The following INPP4A variants were observed in gnomAD, a reference collection of about 807,000 sequenced individuals.
The protein encoded by INPP4A is inositol polyphosphate-4-phosphatase type I A, also known as inositol polyphosphate-4-phosphatase, type I, 107kD.
INPP4A carries 33 observed loss-of-function variants against 119.8 expected under a neutral mutation model. The ratio of observed to expected loss-of-function variants is 0.28; its 90% confidence interval spans 0.21 to 0.37. INPP4A has a LOEUF of 0.37. Among genes scored for constraint, INPP4A ranks in the 10% least tolerant of loss-of-function variants. The probability of loss-of-function intolerance (pLI) is 1.00; values close to 1 mark genes in which losing one functional copy is unlikely to be tolerated. For missense variants in INPP4A, 956 were observed against 1,289.9 expected, an observed-to-expected ratio of 0.74 and a Z score of 3.97; for synonymous variants, 496 against 500.7, an observed-to-expected ratio of 0.99 and a Z score of 0.12.
chr2:98,514,944 A>G (rs1247404533), intron 1 of INPP4A, among the ~76,000 whole-genome samples: 3 of 151,470 alleles, frequency 2.0e-5, no homozygotes, highest in Non-Finnish European at 4.4e-5. Context: ...AAAGTACAAA[A>G]CCCCAAAACT....
intron 10 of INPP4A, among the ~76,000 whole-genome samples, chr2:98,541,954 T>G (rs1226284911): frequency 3.3e-5 from 5 of 152,226 alleles, no homozygotes; most frequent in African/African-American, 1.2e-4. Flanking sequence ...CAACCACATG[T>G]CAGGCACTGT....
chr2:98,520,802 C>A, intron 4 of INPP4A, 71 bp downstream of exon 4: 1 of 823,546 alleles, frequency 1.2e-6, no homozygotes, highest in Non-Finnish European at 2.0e-6. Flanking sequence ...AACACTACCA[C>A]CAGTGCATGG....
chr2:98,522,462 G>A (rs916351859), intron 4 of INPP4A, among the ~76,000 whole-genome samples: 14 of 152,062 alleles, frequency 9.2e-5, no homozygotes, highest in Non-Finnish European at 1.8e-4. Context: ...ATGAAGTTTG[G>A]AAGTTAGTCA....
intron 17 of INPP4A, among the ~76,000 whole-genome samples, chr2:98,561,597 G>A (rs943381372): frequency 3.3e-5 from 5 of 151,978 alleles, no homozygotes; most frequent in Non-Finnish European, 7.3e-5. Flanking sequence ...TCCTAATGTA[G>A]CGAAGCAATC....
Position 98,562,794 on chromosome 2 carries a change from G to A in INPP4A, c.1856-671G>A, listed in dbSNP as rs553170589. ...TTTTAAAAAGTTGTTTTGGTATAGG[G>A]TCAAAGTTTCCCTATATTCCTAAAA... On this transcript the variant is annotated intron_variant, in intron 17 of 24. Coordinates refer to ENST00000409851, the MANE Select transcript of INPP4A (RefSeq NM_001134225.2). Among the ~76,000 whole-genome samples the A allele has an allele frequency of 2.1e-5, 3 of 145,320 alleles. No homozygotes were observed. In the East Asian group the frequency reaches 6.3e-4, roughly 31 times the overall value.
chr2:98,454,820 C>T (rs1695837206), intron 1 of INPP4A, among the ~76,000 whole-genome samples: 1 of 152,090 alleles, frequency 6.6e-6, no homozygotes, highest in Non-Finnish European at 1.5e-5. Context: ...CAGCTGGTCA[C>T]TGACCCAACT....
intron 1 of INPP4A, among the ~76,000 whole-genome samples, chr2:98,453,475 G>T (rs544492270): frequency 8.5e-5 from 13 of 152,280 alleles, no homozygotes; most frequent in African/African-American, 2.9e-4. Context: ...TGTATTTGGG[G>T]TGTTGTTATG....
Position 98,512,891 on chromosome 2 carries a change from C to T in INPP4A, c.-165-6073C>T, listed in dbSNP as rs6739018. Among the ~76,000 whole-genome samples, 795 of 152,278 alleles carry T rather than the reference C, an allele frequency of 5.2e-3. 12 individuals carry two copies. Among genetic ancestry groups the T allele is most frequent in the African/African-American group, 0.018 (739 of 41,550 alleles). On this transcript the variant is annotated intron_variant, in intron 1 of 24. Transcript: ENST00000409851. ...AGGTCCCCTCCACCTTGTCCGTGTT[C>T]CTGCAGCATGTGGCCTTTCCATCCT... is the stretch of plus-strand genomic sequence containing the variant.
At chr2:98,482,083 A>G (rs1678584400) in intron 1 of INPP4A, among the ~76,000 whole-genome samples, 1 of 152,264 alleles carries the variant, frequency 6.6e-6, no homozygotes, top group Non-Finnish European at 1.5e-5. Flanking sequence ...AGACCAGTTT[A>G]GTTGACAGAG....
At chr2:98,505,338 G>A (rs1406573228) in intron 1 of INPP4A, among the ~76,000 whole-genome samples, 1 of 152,252 alleles carries the variant, frequency 6.6e-6, no homozygotes, top group Non-Finnish European at 1.5e-5. Flanking sequence ...TGTGTCTCAT[G>A]AGTGGGCTGA....
chr2:98,474,128 A>G (rs1295510506), intron 1 of INPP4A, among the ~76,000 whole-genome samples: 1 of 152,154 alleles, frequency 6.6e-6, no homozygotes, highest in East Asian at 1.9e-4. Flanking sequence ...GGAAAGCTGT[A>G]TATGCAGGTT....
chr2:98,558,774 G>A (rs574188576), intron 16 of INPP4A, among the ~76,000 whole-genome samples: 17 of 152,318 alleles, frequency 1.1e-4, no homozygotes, highest in African/African-American at 3.4e-4. Flanking sequence ...AGGGAAATAC[G>A]AAATTGAAGT....
intron 4 of INPP4A, among the ~76,000 whole-genome samples, chr2:98,530,995 G>A (rs565620131): frequency 3.3e-5 from 5 of 151,718 alleles, no homozygotes; most frequent in Non-Finnish European, 7.4e-5. Context: ...ACGTCGTCTT[G>A]TTGTGTTCTC....
chr2:98,472,743 T>G (rs1448689264), intron 1 of INPP4A, among the ~76,000 whole-genome samples: 1 of 152,240 alleles, frequency 6.6e-6, no homozygotes, highest in Non-Finnish European at 1.5e-5. Context: ...GAGAACCTGA[T>G]ATTCTCCTCT....
In INPP4A at chr2:98,555,609, C is replaced by T. The variant is rs773105537; in HGVS notation, c.1623C>T (p.Asp541=). 1.2e-6 allele frequency: 2 copies of T among 1,613,862 alleles called. No individual in the cohort carries two copies. Among genetic ancestry groups the T allele is most frequent in the Non-Finnish European group, 1.7e-6 (2 of 1,179,812 alleles). Reference sequence around the variant, plus strand: ...TAGAGTGCATCATTCAGCGTGTGGACAAGCTGCTGCAGAAGGAGCGGCTGC... The same window carrying T: ...TAGAGTGCATCATTCAGCGTGTGGATAAGCTGCTGCAGAAGGAGCGGCTGC... ...KSLECIIQRV[D]KLLQKERLHG... is the part of the protein sequence containing the mutation. The change falls in exon 16 of 25, where the codon GAC becomes GAT. Residue 541 remains aspartate (D), a synonymous_variant. Coordinates refer to ENST00000409851, the MANE Select transcript of INPP4A (RefSeq NM_001134225.2).
chr2:98,564,258 T>A (rs1696027209), intron 18 of INPP4A, among the ~76,000 whole-genome samples: 1 of 152,194 alleles, frequency 6.6e-6, no homozygotes, highest in Admixed American at 6.5e-5. Flanking sequence ...GTCTCTCACT[T>A]CTGTTTTTTG....
Position 98,459,385 on chromosome 2 carries a change from A to T in INPP4A, c.-166+14300A>T, listed in dbSNP as rs1005262413. ...CCAAAAGGAAAAACAACATGAAAGTAAGAAAGTCTACCAGGACACCCTGGA... is the reference window on the plus strand; with the variant it reads ...CCAAAAGGAAAAACAACATGAAAGTTAGAAAGTCTACCAGGACACCCTGGA... On this transcript the variant is annotated intron_variant, in intron 1 of 24. Transcript: ENST00000409851. Among the ~76,000 whole-genome samples the T allele has an allele frequency of 2.6e-5, 4 of 152,312 alleles. No homozygotes were observed. The South Asian group carries it at 8.3e-4, about 32-fold the overall frequency.
rs543930399 is a variant in INPP4A, at chr2:98,511,153, G to A, written c.-165-7811G>A. ...GGGCTCACTGCAACCTCCACCTCCC[G>A]GGTTAAAGCGATTCTTCTGCCTCAG... is the stretch of plus-strand genomic sequence containing the variant. On this transcript the variant is annotated intron_variant, in intron 1 of 24. Transcript: ENST00000409851. Among the ~76,000 whole-genome samples, 6 of 152,056 alleles carry A rather than the reference G, an allele frequency of 3.9e-5. No homozygotes were observed. In the South Asian group the frequency reaches 8.3e-4, roughly 21 times the overall value.
chr2:98,542,553 G>A (rs1488195360), intron 10 of INPP4A, among the ~76,000 whole-genome samples: 1 of 152,168 alleles, frequency 6.6e-6, no homozygotes, highest in Non-Finnish European at 1.5e-5. Flanking sequence ...TATGTGTAAA[G>A]TGTTCTCTTC....
Sources: allele counts gnomAD v4.1 joint callset (sites outside exome capture counted in the v4.1 genomes callset), GRCh38; gene constraint gnomAD v4.1.1; transcripts MANE v1.5; gene names NCBI Gene and HGNC (gene_info 2026-07-23, HGNC 2026-07-21).